The following MARCHF1 variants were observed in gnomAD, a reference collection of about 807,000 sequenced individuals.
The protein encoded by MARCHF1 is membrane associated ring-CH-type finger 1.
A neutral mutation model predicts 54.2 loss-of-function variants in MARCHF1; 40 were observed. The ratio of observed to expected loss-of-function variants is 0.74; its 90% CI spans 0.57 to 0.96. The LOEUF (loss-of-function observed/expected upper bound fraction) is 0.96, where lower values mean the gene tolerates loss of function less well. Ranked by LOEUF, MARCHF1 falls within the 40% of genes least tolerant of loss-of-function variation. MARCHF1 has a pLI of 0.00. For missense variants in MARCHF1, 586 were observed against 656.5 expected (o/e 0.89, Z 1.17); for synonymous variants, 236 against 236.3 (o/e 1.00, Z 0.01).
At chr4:164,129,900 T>C (rs1354402896) in intron 1 of MARCHF1, 3 of 152,174 alleles carry the variant, frequency 2.0e-5, no homozygotes, top group Non-Finnish European at 4.4e-5. Context: ...TTTACCTATG[T>C]AACAAACCTG....
intron 3 of MARCHF1, among the ~76,000 whole-genome samples, chr4:163,923,857 T>C (rs918588378): frequency 7.2e-5 from 11 of 151,826 alleles, no homozygotes; most frequent in Admixed American, 7.2e-4. Flanking sequence ...ATCTAGGAAG[T>C]TACTTTTCAG....
intron 3 of MARCHF1, among the ~76,000 whole-genome samples, chr4:163,974,187 T>A (rs1245085289): frequency 6.6e-6 from 1 of 152,196 alleles, no homozygotes; most frequent in African/African-American, 2.4e-5. Flanking sequence ...TAATTTTGAA[T>A]AGGGTGAGCT....
chr4:164,015,962 A>G (rs1012200303), intron 2 of MARCHF1, among the ~76,000 whole-genome samples: 1 of 152,128 alleles, frequency 6.6e-6, no homozygotes, highest in Non-Finnish European at 1.5e-5. Flanking sequence ...TGCTGGGTCT[A>G]TGTTCATAAG....
chr4:163,975,889 T>C (rs1350965116), intron 3 of MARCHF1, among the ~76,000 whole-genome samples: 2 of 152,286 alleles, frequency 1.3e-5, no homozygotes, highest in African/African-American at 4.8e-5. Flanking sequence ...GCCCATACAA[T>C]GTTTAAAAAT....
Position 163,525,805 on chromosome 4 carries a change from T to G in MARCHF1, c.*2943A>C, listed in dbSNP as rs993573927. On this transcript the variant is annotated 3_prime_UTR_variant, in exon 10 of 10. Coordinates refer to ENST00000514618, the MANE Select transcript of MARCHF1 (RefSeq NM_001394959.1). ...CAGTTTTTCTTTTTGAAGGGTATAG[T>G]CAGTCAGTCTACAAAAAAGCACTGC... is the stretch of plus-strand genomic sequence containing the variant. 5.3e-5 allele frequency: 8 copies of G among 152,122 alleles called. No homozygotes were observed. The highest frequency in any genetic ancestry group is 1.7e-4 in the African/African-American group (7 of 41,434). The allele number at this position is 152,122 out of a possible 1,614,324, so 9.4% of individuals were successfully genotyped here. A position where few individuals can be genotyped will look rare whatever the true frequency, so the allele number is the denominator to read the frequency against.
At chr4:163,605,521 A>G (rs911525966) in intron 7 of MARCHF1, among the ~76,000 whole-genome samples, 6 of 152,206 alleles carry the variant, frequency 3.9e-5, no homozygotes, top group Admixed American at 2.0e-4. Context: ...ATTTAGAACC[A>G]GAAATACCAT....
chr4:163,779,308 T>C (rs1747396556), intron 4 of MARCHF1, among the ~76,000 whole-genome samples: 1 of 152,190 alleles, frequency 6.6e-6, no homozygotes, highest in Non-Finnish European at 1.5e-5. Flanking sequence ...AATAGTTAAA[T>C]ATATGAAAGA....
At chr4:163,556,027 T>C (rs946830216) in intron 8 of MARCHF1, 10 of 454,766 alleles carry the variant, frequency 2.2e-5, no homozygotes, top group Middle Eastern at 3.2e-4. Context: ...TACCCCATCA[T>C]TTTCTAGTTG....
intron 5 of MARCHF1, among the ~76,000 whole-genome samples, chr4:163,628,164 T>A (rs1321143955): frequency 3.3e-5 from 5 of 152,152 alleles, no homozygotes; most frequent in Non-Finnish European, 5.9e-5. Context: ...ATAAAAACAT[T>A]GTACTCAAAA....
chr4:163,883,347 A>ATTT (rs11398171), intron 3 of MARCHF1, among the ~76,000 whole-genome samples: 2,895 of 138,246 alleles, frequency 0.021, 75 homozygotes, highest in African/African-American at 0.027. Flanking sequence ...CTACGGATGT[A>ATTT]TTTTTTTTTT....
chr4:164,222,142 G>T lies in MARCHF1; in HGVS notation c.-322-110480C>A, dbSNP rs564743282. ...CAAATTAATTCAATCTACTAGGTGG[G>T]TACGCTTTCCTTAGAAGCATAAACT... On this transcript the variant is annotated intron_variant, in intron 1 of 9. Transcript: ENST00000514618. Among the ~76,000 whole-genome samples the T allele has an allele frequency of 3.3e-5, 5 of 151,752 alleles. No individual in the cohort carries two copies. In the East Asian group the frequency reaches 9.7e-4, roughly 29 times the overall value.
At chr4:163,982,371 C>G (rs1190866245) in intron 3 of MARCHF1, among the ~76,000 whole-genome samples, 8 of 152,206 alleles carry the variant, frequency 5.3e-5, no homozygotes, top group South Asian at 2.1e-4. Flanking sequence ...AACCTGTATG[C>G]TCTGGGTAAA....
chr4:163,635,575 C>G (rs1742286234), intron 5 of MARCHF1, among the ~76,000 whole-genome samples: 1 of 148,334 alleles, frequency 6.7e-6, no homozygotes, highest in South Asian at 2.2e-4. Context: ...AGACCAATAA[C>G]AGGAGCTGAA....
At chr4:163,615,965 T>C (rs765553025) in intron 5 of MARCHF1, among the ~76,000 whole-genome samples, 2 of 152,086 alleles carry the variant, frequency 1.3e-5, no homozygotes, top group Non-Finnish European at 2.9e-5. Context: ...GCCAAGAACT[T>C]ACATTGGAAA....
intron 2 of MARCHF1, among the ~76,000 whole-genome samples, chr4:164,048,702 T>G (rs1036498671): frequency 6.6e-6 from 1 of 152,158 alleles, no homozygotes; most frequent in Middle Eastern, 3.2e-3. Flanking sequence ...CTTGGAAATT[T>G]TGTTCCCAGT....
At chr4:163,824,124 C>T (rs927113492) in intron 4 of MARCHF1, among the ~76,000 whole-genome samples, 5 of 151,848 alleles carry the variant, frequency 3.3e-5, no homozygotes, top group African/African-American at 1.2e-4. Flanking sequence ...ACAATTAGTG[C>T]ATATAGTCTG....
intron 2 of MARCHF1, among the ~76,000 whole-genome samples, chr4:164,035,082 T>C (rs974594732): frequency 4.3e-4 from 66 of 152,172 alleles, no homozygotes; most frequent in African/African-American, 1.6e-3. Context: ...TTTAAACATG[T>C]GGATATATTT....
chr4:164,362,081 C>T (rs1730736970), intron 1 of MARCHF1, among the ~76,000 whole-genome samples: 1 of 151,766 alleles, frequency 6.6e-6, no homozygotes, highest in African/African-American at 2.4e-5. Context: ...GGTTTTATCA[C>T]AAAAAATGTA....
At chr4:164,167,660 A>C (rs1172133933) in intron 1 of MARCHF1, among the ~76,000 whole-genome samples, 1 of 151,952 alleles carries the variant, frequency 6.6e-6, no homozygotes, top group Non-Finnish European at 1.5e-5. Flanking sequence ...TAATGTCACC[A>C]GGAGGACATA....
Sources: gnomAD v4.1 joint callset for allele counts (sites outside exome capture counted in the v4.1 genomes callset) on GRCh38, gnomAD v4.1.1 for gene constraint, MANE v1.5 for transcripts, NCBI Gene and HGNC (gene_info 2026-07-23, HGNC 2026-07-21) for gene names.